The following LRBA variants were observed in gnomAD, a reference collection of about 807,000 sequenced individuals.
LRBA encodes lipopolysaccharide-responsive and beige-like anchor protein.
Under a neutral mutation model 330.0 loss-of-function variants are expected in LRBA, and 176 were observed. That is an observed-to-expected ratio of 0.53 (90% confidence interval 0.47 to 0.60). LRBA has a LOEUF of 0.60. Ranked by LOEUF, LRBA falls within the 20% of genes least tolerant of loss-of-function variation. The pLI, the probability that LRBA is intolerant of heterozygous loss-of-function variation, is 0.00. For synonymous variants in LRBA, 1,230 were observed against 1,193.0 expected, an observed-to-expected ratio of 1.03 and a Z score of -0.64; for missense variants, 3,259 against 3,444.8, an observed-to-expected ratio of 0.95 and a Z score of 1.35.
At chr4:150,579,055 G>A in intron 40 of LRBA, 1 of 341,572 alleles carries the variant, frequency 2.9e-6, no homozygotes, top group Admixed American at 3.9e-5. Flanking sequence ...TATAACAAGA[G>A]AATACAGATG....
At chr4:150,877,546 G>A (rs1266667435) in intron 17 of LRBA, among the ~76,000 whole-genome samples, 2 of 152,176 alleles carry the variant, frequency 1.3e-5, no homozygotes, top group Non-Finnish European at 2.9e-5. Flanking sequence ...ACTACGAGAC[G>A]TAGGAACAGA....
At chr4:150,897,377 C>T (rs564164376) in intron 15 of LRBA, among the ~76,000 whole-genome samples, 3 of 152,116 alleles carry the variant, frequency 2.0e-5, no homozygotes, top group South Asian at 2.1e-4. Flanking sequence ...TACAGAAATA[C>T]TATTTCTCAA....
At chr4:150,625,944 A>G (rs1490414600) in intron 37 of LRBA, among the ~76,000 whole-genome samples, 7 of 151,814 alleles carry the variant, frequency 4.6e-5, no homozygotes, top group African/African-American at 1.5e-4. Flanking sequence ...TCCTGACCTC[A>G]GCCCCCCAAA....
intron 35 of LRBA, among the ~76,000 whole-genome samples, chr4:150,743,516 A>C (rs957839268): frequency 6.6e-6 from 1 of 152,216 alleles, no homozygotes; most frequent in Non-Finnish European, 1.5e-5. Flanking sequence ...GGAACATATA[A>C]AAGAAAATAC....
chr4:150,665,638 A>G (rs943773223), intron 37 of LRBA, among the ~76,000 whole-genome samples: 9 of 152,226 alleles, frequency 5.9e-5, no homozygotes, highest in Non-Finnish European at 1.0e-4. Flanking sequence ...AAATGGAATC[A>G]ATCACATTTG....
At chr4:150,351,625 C>A (rs566064650) in intron 47 of LRBA, among the ~76,000 whole-genome samples, 1 of 151,992 alleles carries the variant, frequency 6.6e-6, no homozygotes, top group Non-Finnish European at 1.5e-5. Flanking sequence ...GGAGGTGGAG[C>A]TTGCAGTGAG....
intron 40 of LRBA, among the ~76,000 whole-genome samples, chr4:150,494,904 G>T (rs988552333): frequency 1.3e-5 from 2 of 151,158 alleles, no homozygotes. Context: ...GGAGTCTGAC[G>T]CAGGTGAATG....
At chr4:150,501,806 A>G (rs960259514) in intron 40 of LRBA, among the ~76,000 whole-genome samples, 4 of 152,200 alleles carry the variant, frequency 2.6e-5, no homozygotes, top group African/African-American at 9.7e-5. Context: ...CAATATGCAA[A>G]ATGAACATAA....
intron 4 of LRBA, among the ~76,000 whole-genome samples, chr4:150,927,668 ATTATC>A (rs1237410676): frequency 6.6e-6 from 1 of 152,142 alleles, no homozygotes; most frequent in Non-Finnish European, 1.5e-5. Flanking sequence ...TTTTGTGACA[ATTATC>A]TTATACCCCC....
At chr4:150,526,382 T>G (rs1763476668) in intron 40 of LRBA, among the ~76,000 whole-genome samples, 1 of 152,212 alleles carries the variant, frequency 6.6e-6, no homozygotes, top group Non-Finnish European at 1.5e-5. Flanking sequence ...CCTTGCATTC[T>G]TCTGTAACAG....
At chr4:150,836,379 C>A (rs1336201004) in intron 28 of LRBA, among the ~76,000 whole-genome samples, 1 of 152,138 alleles carries the variant, frequency 6.6e-6, no homozygotes, top group Non-Finnish European at 1.5e-5. Flanking sequence ...AGGAATGGTA[C>A]CAGCTCCTCC....
In LRBA at chr4:150,435,608, C is replaced by G. The variant is rs371873204; in HGVS notation, c.7022G>C (p.Arg2341Pro). The change falls in exon 46 of 57, where the codon CGT (arginine) becomes CCT (proline). Residue 2341 changes from arginine (R) to proline (P), a missense_variant. Arg to Pro is a moderately radical substitution (Grantham distance 103, BLOSUM62 -2). Coordinates refer to ENST00000651943, the MANE Select transcript of LRBA (RefSeq NM_001364905.1). ...SISRAWRNSQ[R>P]DTSDIKELIP... is the part of the protein sequence containing the mutation. ...CTGTACCTTAATATCAGAGGTATCACGCTGACTGTTTCGCCAAGCTCTGGA... is the reference window on the plus strand; with the variant it reads ...CTGTACCTTAATATCAGAGGTATCAGGCTGACTGTTTCGCCAAGCTCTGGA... 2 of 1,612,740 alleles carry G rather than the reference C, an allele frequency of 1.2e-6. No individual in the cohort carries two copies. Among genetic ancestry groups the G allele is most frequent in the Non-Finnish European group, 1.7e-6 (2 of 1,179,576 alleles).
intron 47 of LRBA, among the ~76,000 whole-genome samples, chr4:150,363,555 C>T (rs527313707): frequency 6.6e-6 from 1 of 152,244 alleles, no homozygotes; most frequent in South Asian, 2.1e-4. Context: ...ACAATAAATT[C>T]CAAAAGGGCA....
chr4:150,857,633 T>C (rs1016579065), intron 22 of LRBA, among the ~76,000 whole-genome samples: 2 of 152,172 alleles, frequency 1.3e-5, no homozygotes, highest in African/African-American at 4.8e-5. Flanking sequence ...AAATAAGGGT[T>C]ACAGTATTGA....
intron 36 of LRBA, among the ~76,000 whole-genome samples, chr4:150,698,848 C>G (rs1784854513): frequency 6.6e-6 from 1 of 152,112 alleles, no homozygotes; most frequent in Non-Finnish European, 1.5e-5. Context: ...TTTCTTTTAA[C>G]CTGGTCATTT....
chr4:150,412,014 A>G (rs1346038478), intron 47 of LRBA, among the ~76,000 whole-genome samples: 1 of 152,190 alleles, frequency 6.6e-6, no homozygotes, highest in Non-Finnish European at 1.5e-5. Flanking sequence ...TATAGACTAT[A>G]TTGTAAGGAA....
chr4:150,904,105 G>A (rs1315853725), intron 13 of LRBA, among the ~76,000 whole-genome samples: 1 of 152,182 alleles, frequency 6.6e-6, no homozygotes, highest in Non-Finnish European at 1.5e-5. Context: ...TTTTCCAAAA[G>A]CAAAGCTTTT....
chr4:150,825,154 T>C (rs879933753), intron 30 of LRBA, among the ~76,000 whole-genome samples: 13 of 151,754 alleles, frequency 8.6e-5, no homozygotes, highest in Non-Finnish European at 1.5e-4. Flanking sequence ...CACTTAGAAA[T>C]AGTACATGGT....
rs1309697727 is a variant in LRBA, at chr4:150,570,729, C to G, written c.6330+17319G>C. On this transcript the variant is annotated intron_variant, in intron 40 of 56. Transcript: ENST00000651943. ...TCAGCACATGTGATTCTGTGCAGTG[C>G]AATGTAGGTGCCCATTCCTGTAAGT... is the stretch of plus-strand genomic sequence containing the variant. Among the ~76,000 whole-genome samples, 3 of 152,084 alleles carry G rather than the reference C, an allele frequency of 2.0e-5. No individual in the cohort carries two copies. In the East Asian group the frequency reaches 5.8e-4, roughly 29 times the overall value.
Sources: gnomAD v4.1 joint callset for allele counts (sites outside exome capture counted in the v4.1 genomes callset) on GRCh38, gnomAD v4.1.1 for gene constraint, MANE v1.5 for transcripts, NCBI Gene and HGNC (gene_info 2026-07-23, HGNC 2026-07-21) for gene names.